The following LAMA3 variants were observed in gnomAD, a reference collection of about 807,000 sequenced individuals.
LAMA3 encodes laminin subunit alpha-3.
In LAMA3, 281 loss-of-function variants were observed where a neutral mutation model predicts 402.0. That is an observed-to-expected ratio of 0.70 (90% CI 0.63 to 0.77). The LOEUF is 0.77. LAMA3 is among the 30% of genes least tolerant of loss of function. LAMA3 has a pLI of 0.00. For synonymous variants in LAMA3, 1,431 were observed against 1,558.4 expected, an observed-to-expected ratio of 0.92 and a Z score of 1.93; for missense variants, 3,840 against 4,215.5, an observed-to-expected ratio of 0.91 and a Z score of 2.47.
At chr18:23,840,751 A>G (rs2063684155) in intron 27 of LAMA3, among the ~76,000 whole-genome samples, 1 of 152,212 alleles carries the variant, frequency 6.6e-6, no homozygotes, top group Non-Finnish European at 1.5e-5. Context: ...CAGGACTTTT[A>G]AAGTTCTGCA....
chr18:23,917,216 C>G (rs1191494122), intron 60 of LAMA3, among the ~76,000 whole-genome samples: 1 of 152,150 alleles, frequency 6.6e-6, no homozygotes, highest in Non-Finnish European at 1.5e-5. Context: ...TTTTTTATGG[C>G]TGTGTAGTAT....
chr18:23,710,276 C>A, intron 1 of LAMA3: 1 of 541,592 alleles, frequency 1.8e-6, no homozygotes. Context: ...CCTTCTTCGC[C>A]TTCGGCGCCA....
intron 2 of LAMA3, among the ~76,000 whole-genome samples, chr18:23,733,524 A>G (rs528656910): frequency 2.0e-5 from 3 of 152,286 alleles, no homozygotes; most frequent in South Asian, 2.1e-4. Flanking sequence ...CCATGATTCA[A>G]TTATCTTCCA....
At chr18:23,763,079 A>C (rs1280847614) in intron 7 of LAMA3, among the ~76,000 whole-genome samples, 5 of 151,942 alleles carry the variant, frequency 3.3e-5, no homozygotes, top group Non-Finnish European at 5.9e-5. Context: ...CTGGTCTCGA[A>C]CTCCTGAACT....
chr18:23,847,466 T>C lies in LAMA3; in HGVS notation c.3934T>C (p.Cys1312Arg), dbSNP rs2063842331. The C allele has an allele frequency of 6.2e-7, 1 of 1,611,738 alleles. No homozygotes were observed. Among genetic ancestry groups the C allele is most frequent in the Non-Finnish European group, 8.5e-7 (1 of 1,180,012 alleles). Residue 1312 changes from cysteine to arginine, a missense_variant and splice_region_variant, in exon 32 of 75, where the codon TGC becomes CGC. Cys to Arg is a radical substitution (Grantham distance 180). This residue lies in a region of LAMA3 where 2,109 missense variants were observed against 2,376.0 expected (regional missense o/e 0.89). Transcript: ENST00000313654. ...GHYGFPRCKPCSCGRRLCEEM... is the reference protein window; with the variant it reads ...GHYGFPRCKPRSCGRRLCEEM... Reference sequence around the variant, plus strand: ...GTATTTCTTTATCCCCTGGCCAGCGTGCAGCTGTGGTCGGCGCCTTTGTGA... The same window carrying C: ...GTATTTCTTTATCCCCTGGCCAGCGCGCAGCTGTGGTCGGCGCCTTTGTGA...
At chr18:23,819,718 C>T in intron 18 of LAMA3, 123 bp from the exon 19 acceptor site, 2 of 857,660 alleles carry the variant, frequency 2.3e-6, no homozygotes. Flanking sequence ...TCTCATTTGT[C>T]CTTTATTTAA....
At chr18:23,917,588 T>G (rs984300087) in intron 60 of LAMA3, among the ~76,000 whole-genome samples, 1 of 152,202 alleles carries the variant, frequency 6.6e-6, no homozygotes, top group Non-Finnish European at 1.5e-5. Context: ...GGTATCTCAT[T>G]GTTTTGATTT....
intron 65 of LAMA3, 58 bp downstream of exon 65, chr18:23,931,259 A>G (rs928543641): frequency 3.9e-6 from 6 of 1,550,898 alleles, no homozygotes; most frequent in Non-Finnish European, 5.3e-6. Context: ...CTTTCGTTTA[A>G]TGGAATTTTC....
rs200251627 is a variant in LAMA3 at position 23,825,651 on chromosome 18, T to TA, written c.2572-1039dup. 2.1e-3 allele frequency among the ~76,000 whole-genome samples: 297 copies of TA among 144,786 alleles called. 1 individual carries two copies. Among genetic ancestry groups the TA allele is most frequent in the African/African-American group, 5.6e-3 (221 of 39,726 alleles). The allele number at this position is 144,786 out of a possible 152,430, so 95.0% of individuals were successfully genotyped here. A position where few individuals can be genotyped will look rare whatever the true frequency, so the allele number is the denominator to read the frequency against. On this transcript the variant is annotated intron_variant, in intron 21 of 74. Transcript: ENST00000313654. ...CTTCTTAGTAGGAAGCTTTATTGCT[T>TA]AAAAAAAAAAAAGTTCAAGAATGTT...
At position 23,737,924 on chromosome 18, in the gene LAMA3, G is replaced by A. The variant is rs181743874; in HGVS notation, c.448-10019G>A. On this transcript the variant is annotated intron_variant, in intron 2 of 74. Transcript: ENST00000313654. Reference sequence around the variant, plus strand: ...CCGCTCAGCGGAGGCCTGAGCTTAAGTAGGAGTTATCAGGCTCCAGGGGGC... The same window carrying A: ...CCGCTCAGCGGAGGCCTGAGCTTAAATAGGAGTTATCAGGCTCCAGGGGGC... Among the ~76,000 whole-genome samples the A allele has an allele frequency of 1.1e-3, 172 of 152,372 alleles. 1 individual carries two copies. Among genetic ancestry groups the A allele is most frequent in the African/African-American group, 3.8e-3 (160 of 41,592 alleles).
At chr18:23,847,215 C>T (rs139109045) in intron 31 of LAMA3, among the ~76,000 whole-genome samples, 56 of 152,350 alleles carry the variant, frequency 3.7e-4, no homozygotes, top group African/African-American at 1.3e-3. Flanking sequence ...ATGAGTGGCA[C>T]ACAGTGGCAG....
intron 12 of LAMA3, among the ~76,000 whole-genome samples, chr18:23,793,691 G>A (rs1349942517): frequency 5.9e-5 from 9 of 152,086 alleles, no homozygotes; most frequent in African/African-American, 1.2e-4. Context: ...GAAAACGTCT[G>A]TGACCAAATG....
chr18:23,807,103 G>A (rs1023769005), intron 12 of LAMA3, among the ~76,000 whole-genome samples: 1 of 152,162 alleles, frequency 6.6e-6, no homozygotes, highest in Non-Finnish European at 1.5e-5. Context: ...ATTGGAACTA[G>A]AGTCATTAGT....
intron 23 of LAMA3, 76 bp downstream of exon 23, chr18:23,827,543 G>A (rs1400531447): frequency 2.0e-6 from 3 of 1,495,458 alleles, no homozygotes; most frequent in Middle Eastern, 2.3e-4. Context: ...CTTGGCCACA[G>A]TTGCTTCTCA....
chr18:23,822,159 G>A, intron 19 of LAMA3, 93 bp from the exon 20 acceptor site: 3 of 1,376,684 alleles, frequency 2.2e-6, no homozygotes, highest in Admixed American at 3.4e-5. Context: ...TACAAGTCCA[G>A]TAGTGACACT....
intron 1 of LAMA3, among the ~76,000 whole-genome samples, chr18:23,708,334 A>G (rs2060928145): frequency 2.0e-5 from 3 of 152,250 alleles, no homozygotes; most frequent in Admixed American, 2.0e-4. Flanking sequence ...TTCTTCAGCA[A>G]TATCTTGGTC....
intron 12 of LAMA3, among the ~76,000 whole-genome samples, chr18:23,801,451 A>C (rs2062865059): frequency 6.6e-6 from 1 of 152,128 alleles, no homozygotes; most frequent in Non-Finnish European, 1.5e-5. Context: ...CTCTGAACCT[A>C]AATTAAAAGT....
At chr18:23,941,895 T>C (rs2082534786) in intron 68 of LAMA3, among the ~76,000 whole-genome samples, 1 of 152,178 alleles carries the variant, frequency 6.6e-6, no homozygotes, top group African/African-American at 2.4e-5. Context: ...TCTAATATCC[T>C]CCTTAACTTG....
At chr18:23,904,788 G>A (rs2081190424) in intron 51 of LAMA3, 94 bp downstream of exon 51, 3 of 1,342,504 alleles carry the variant, frequency 2.2e-6, no homozygotes, top group Middle Eastern at 2.0e-4. Flanking sequence ...TAGAAACAAA[G>A]CATTATTTTA....
Sources: gnomAD v4.1 joint callset for allele counts (sites outside exome capture counted in the v4.1 genomes callset) on GRCh38, gnomAD v4.1.1 for gene constraint, gnomAD v4.1.1 regional missense constraint, MANE v1.5 for transcripts, NCBI Gene and HGNC (gene_info 2026-07-23, HGNC 2026-07-21) for gene names.